The following RBMS1 variants were observed in gnomAD, a reference collection of about 807,000 sequenced individuals.
RBMS1 encodes RNA-binding motif, single-stranded-interacting protein 1.
RBMS1 carries 17 observed loss-of-function variants against 62.3 expected under a neutral mutation model. The observed-to-expected ratio is 0.27, with a 90% CI of 0.19 to 0.41. RBMS1 has a LOEUF of 0.41. RBMS1 is among the 10% of genes least tolerant of loss of function. The pLI is 1.00. For missense variants in RBMS1, 334 were observed against 504.5 expected (o/e 0.66, Z 3.24); for synonymous variants, 172 against 170.0 (o/e 1.01, Z -0.09).
intron 1 of RBMS1, among the ~76,000 whole-genome samples, chr2:160,427,359 A>C (rs1267531679): frequency 6.6e-6 from 1 of 152,186 alleles, no homozygotes; most frequent in African/African-American, 2.4e-5. Flanking sequence ...GGCCAGGAAC[A>C]AAATTCTATT....
chr2:160,361,985 T>G (rs1254799652), intron 2 of RBMS1, among the ~76,000 whole-genome samples: 1 of 152,222 alleles, frequency 6.6e-6, no homozygotes, highest in Non-Finnish European at 1.5e-5. Context: ...TGTGGCAATT[T>G]CTTAAAATAA....
chr2:160,462,137 C>T (rs1684491587), intron 1 of RBMS1, among the ~76,000 whole-genome samples: 1 of 152,166 alleles, frequency 6.6e-6, no homozygotes, highest in Non-Finnish European at 1.5e-5. Flanking sequence ...TCAACGGGCC[C>T]CAAACTTGGA....
chr2:160,448,369 C>G (rs553113765), intron 1 of RBMS1, among the ~76,000 whole-genome samples: 1 of 151,914 alleles, frequency 6.6e-6, no homozygotes, highest in African/African-American at 2.4e-5. Context: ...GTACTGCCGC[C>G]ATCTCGGCTC....
At position 160,383,453 on chromosome 2, in the gene RBMS1, T is replaced by TG. The variant is rs1553518103; in HGVS notation, c.76-16063dup. On this transcript the variant is annotated intron_variant, in intron 1 of 13. Transcript: ENST00000348849. Reference sequence around the variant, plus strand: ...TCTGGGGTTCTGGTTAGACATGAATTGGGGGGGGGGGAACTGACCCACTAC... The same window carrying TG: ...TCTGGGGTTCTGGTTAGACATGAATTGGGGGGGGGGGGAACTGACCCACTAC... Among the ~76,000 whole-genome samples, 557 of 75,040 alleles carry TG rather than the reference T, an allele frequency of 7.4e-3. 2 individuals carry two copies. Among genetic ancestry groups the TG allele is most frequent in the Non-Finnish European group, 0.012 (364 of 29,718 alleles). 49.2% of individuals were successfully genotyped at this position (75,040 alleles called of 152,430 possible). A position where few individuals can be genotyped will look rare whatever the true frequency, so the allele number is the denominator to read the frequency against.
intron 2 of RBMS1, among the ~76,000 whole-genome samples, chr2:160,334,943 A>G (rs1308725960): frequency 1.3e-5 from 2 of 152,150 alleles, no homozygotes; most frequent in Non-Finnish European, 2.9e-5. Context: ...AAATGTGAAA[A>G]AAAAAAAGGG....
chr2:160,420,542 T>C (rs1696383210), intron 1 of RBMS1, among the ~76,000 whole-genome samples: 1 of 152,196 alleles, frequency 6.6e-6, no homozygotes, highest in Non-Finnish European at 1.5e-5. Context: ...ATTTAGCACA[T>C]ACTCCCCATA....
At chr2:160,376,752 CA>C (rs1288146097) in intron 1 of RBMS1, among the ~76,000 whole-genome samples, 5 of 152,144 alleles carry the variant, frequency 3.3e-5, no homozygotes, top group African/African-American at 1.2e-4. Context: ...CCTCCTGTCA[CA>C]GCCTCCCACG....
intron 1 of RBMS1, among the ~76,000 whole-genome samples, chr2:160,449,025 CCTGT>C (rs1683818969): frequency 6.6e-6 from 1 of 151,730 alleles, no homozygotes; most frequent in African/African-American, 2.4e-5. Flanking sequence ...GCCCGGCCAC[CCTGT>C]CTGAGAAGTG....
At chr2:160,290,634 A>G (rs1688627468) in intron 6 of RBMS1, among the ~76,000 whole-genome samples, 1 of 152,216 alleles carries the variant, frequency 6.6e-6, no homozygotes, top group Non-Finnish European at 1.5e-5. Context: ...TCATCACCCA[A>G]AACTAAAGAG....
At position 160,493,542 on chromosome 2, in the gene RBMS1, TTCC is replaced by T. The variant is rs925937562; in HGVS notation, c.-182_-180del. On this transcript the variant is annotated 5_prime_UTR_variant, in exon 1 of 14. Transcript: ENST00000348849. ...AGACGTCCTCCTCCTCCTCCTCCTC[TTCC>T]TCCTCCTCCTCCTCCTCCTCCTCCT... The T allele has an allele frequency of 0.058, 24,906 of 431,078 alleles. 123 individuals are homozygous for T. Among genetic ancestry groups the T allele is most frequent in the Non-Finnish European group, 0.071 (17,331 of 244,942 alleles). The allele number at this position is 431,078 out of a possible 1,614,324, so 26.7% of individuals were successfully genotyped here. A position where few individuals can be genotyped will look rare whatever the true frequency, so the allele number is the denominator to read the frequency against.
At chr2:160,337,141 T>C (rs1318367062) in intron 2 of RBMS1, among the ~76,000 whole-genome samples, 1 of 150,626 alleles carries the variant, frequency 6.6e-6, no homozygotes, top group Non-Finnish European at 1.5e-5. Context: ...TTTTCTTTTT[T>C]TTTTTTTTTT....
rs72304534 is a variant in RBMS1 at position 160,424,022 on chromosome 2, C to CTT, written c.76-56633_76-56632dup. ...AAGTTCAAGAAAAAAAGTGCCATTT[C>CTT]TTTTTTTTTTTTTTGAGACAGAGTC... On this transcript the variant is annotated intron_variant, in intron 1 of 13. Coordinates refer to ENST00000348849, the MANE Select transcript of RBMS1 (RefSeq NM_016836.4). 1.7e-3 allele frequency among the ~76,000 whole-genome samples: 246 copies of CTT among 142,680 alleles called. 3 individuals are homozygous for CTT. Among genetic ancestry groups the CTT allele is most frequent in the African/African-American group, 4.7e-3 (184 of 38,874 alleles). The allele number at this position is 142,680 out of a possible 152,430, so 93.6% of individuals were successfully genotyped here.
At chr2:160,277,725 C>T (rs1574198895) in intron 11 of RBMS1, 1 of 198,324 alleles carries the variant, frequency 5.0e-6, no homozygotes, top group East Asian at 1.2e-4. Flanking sequence ...CTCAAAGGAC[C>T]TCATTATTTT....
intron 2 of RBMS1, among the ~76,000 whole-genome samples, chr2:160,323,727 A>G (rs1167480653): frequency 6.6e-6 from 1 of 152,080 alleles, no homozygotes; most frequent in Non-Finnish European, 1.5e-5. Flanking sequence ...TCTTTGCTAG[A>G]GTAGATAATC....
intron 1 of RBMS1, among the ~76,000 whole-genome samples, chr2:160,463,228 A>T (rs1264771510): frequency 6.6e-6 from 1 of 152,252 alleles, no homozygotes; most frequent in African/African-American, 2.4e-5. Flanking sequence ...AGGTTCAAAA[A>T]GATGTTCAGA....
chr2:160,359,930 C>T (rs1573928896), intron 2 of RBMS1, among the ~76,000 whole-genome samples: 2 of 152,170 alleles, frequency 1.3e-5, no homozygotes, highest in Middle Eastern at 6.8e-3. Flanking sequence ...GCCCTAATTT[C>T]TTATGACAGT....
chr2:160,367,524 A>C, intron 1 of RBMS1, 133 bp from the exon 2 acceptor site: 8 of 1,436,624 alleles, frequency 5.6e-6, no homozygotes, highest in Non-Finnish European at 7.3e-6. Context: ...TACACTTTAA[A>C]AAAGGTCTGT....
intron 1 of RBMS1, among the ~76,000 whole-genome samples, chr2:160,394,794 A>C (rs531537393): frequency 5.9e-5 from 9 of 152,360 alleles, no homozygotes; most frequent in Admixed American, 2.0e-4. Context: ...GAAAAACATT[A>C]GTGCAAGTGT....
intron 1 of RBMS1, among the ~76,000 whole-genome samples, chr2:160,431,639 A>G (rs1362288835): frequency 1.3e-5 from 2 of 152,182 alleles, no homozygotes; most frequent in Non-Finnish European, 2.9e-5. Context: ...ACTATCTTGC[A>G]CTATTGTCTT....
Sources: allele counts gnomAD v4.1 joint callset (sites outside exome capture counted in the v4.1 genomes callset), GRCh38; gene constraint gnomAD v4.1.1; transcripts MANE v1.5; gene names NCBI Gene and HGNC (gene_info 2026-07-23, HGNC 2026-07-21).